The following ETS1 variants were observed in gnomAD, a reference collection of about 807,000 sequenced individuals.
ETS1 encodes ETS proto-oncogene 1, transcription factor.
A neutral mutation model predicts 58.6 loss-of-function variants in ETS1; 15 were observed. That is an observed-to-expected ratio of 0.26 (90% CI 0.17 to 0.39). ETS1 has a LOEUF of 0.39. ETS1 is among the 10% of genes least tolerant of loss of function. The pLI, the probability that ETS1 is intolerant of heterozygous loss-of-function variation, is 1.00. For synonymous variants in ETS1, 214 were observed against 218.2 expected, an observed-to-expected ratio of 0.98 and a Z score of 0.17; for missense variants, 417 against 610.5, an observed-to-expected ratio of 0.68 and a Z score of 3.34.
At chr11:128,497,668 T>A (rs1254897013) in intron 3 of ETS1, 11 of 763,934 alleles carry the variant, frequency 1.4e-5, no homozygotes, top group African/African-American at 1.9e-5. Context: ...AGCGCCGGAG[T>A]TCAGACCTGC....
At chr11:128,472,446 C>T (rs1272097133) in intron 8 of ETS1, among the ~76,000 whole-genome samples, 1 of 152,206 alleles carries the variant, frequency 6.6e-6, no homozygotes, top group African/African-American at 2.4e-5. Context: ...TCACGGACTA[C>T]TGAGAGTGTC....
intron 3 of ETS1, among the ~76,000 whole-genome samples, chr11:128,539,935 C>T (rs1447482004): frequency 6.6e-6 from 1 of 152,036 alleles, no homozygotes; most frequent in Non-Finnish European, 1.5e-5. Context: ...GAAATTAGAC[C>T]AGTAGCTGTT....
rs182696901 is a variant in ETS1, at chr11:128,519,418, C to T, written c.215-28842G>A. Among the ~76,000 whole-genome samples, 437 of 152,294 alleles carry T rather than the reference C, an allele frequency of 2.9e-3. 2 individuals carry two copies. Among genetic ancestry groups the T allele is most frequent in the South Asian group, 0.018 (85 of 4,830 alleles). ...CCAGATAAGATCCCACACTAGCTGT[C>T]TCCACACATAAGAAACTAAGCAACC... On this transcript the variant is annotated intron_variant, in intron 3 of 9. Transcript: ENST00000392668.
intron 8 of ETS1, among the ~76,000 whole-genome samples, chr11:128,468,084 G>A (rs756420109): frequency 1.2e-4 from 18 of 152,146 alleles, no homozygotes; most frequent in Non-Finnish European, 2.1e-4. Context: ...TACAAGCTCT[G>A]AAGAAGAAAT....
chr11:128,476,244 T>C (rs1862319204), intron 8 of ETS1, among the ~76,000 whole-genome samples: 1 of 152,234 alleles, frequency 6.6e-6, no homozygotes, highest in South Asian at 2.1e-4. Context: ...AGGTGATTTA[T>C]AGGTCAATAA....
At position 128,580,364 on chromosome 11, in the gene ETS1, C is replaced by T. The variant is rs553450391; in HGVS notation, c.-15+7124G>A. 4.5e-4 allele frequency among the ~76,000 whole-genome samples: 69 copies of T among 152,124 alleles called. 1 individual carries two copies. The South Asian group carries it at 7.3e-3, about 16-fold the overall frequency. ...CTTTCTGATTCTCATGAGTAGCCCA[C>T]GTGTATTTCCCAAATCATTTGAGTA... On this transcript the variant is annotated intron_variant, in intron 1 of 9. Coordinates refer to ENST00000392668, the MANE Select transcript of ETS1 (RefSeq NM_001143820.2).
At chr11:128,476,757 T>A (rs1308346098) in intron 8 of ETS1, among the ~76,000 whole-genome samples, 1 of 152,272 alleles carries the variant, frequency 6.6e-6, no homozygotes, top group Non-Finnish European at 1.5e-5. Flanking sequence ...TCATAATGTA[T>A]CTTCGAACAA....
At chr11:128,507,665 T>G (rs1012324232) in intron 3 of ETS1, among the ~76,000 whole-genome samples, 1 of 152,178 alleles carries the variant, frequency 6.6e-6, no homozygotes, top group Non-Finnish European at 1.5e-5. Flanking sequence ...GGCCATTTTC[T>G]GGGGACAGGA....
At chr11:128,569,318 C>CTTGTTTTTTTTTTTTTTTTTTTT (rs1864574645) in intron 2 of ETS1, among the ~76,000 whole-genome samples, 1 of 39,458 alleles carries the variant, frequency 2.5e-5, no homozygotes, top group Non-Finnish European at 4.5e-5. Context: ...AGAGTTTCTT[C>CTTGTTTTTTTTTTTTTTTTTTTT]TTTTTTTTTT....
intron 8 of ETS1, among the ~76,000 whole-genome samples, chr11:128,478,635 C>G (rs1862400412): frequency 6.6e-6 from 1 of 152,182 alleles, no homozygotes; most frequent in Non-Finnish European, 1.5e-5. Flanking sequence ...CATTTTAGAG[C>G]TACCTCTGCC....
At chr11:128,567,541 G>A (rs1864528307) in intron 2 of ETS1, among the ~76,000 whole-genome samples, 1 of 152,090 alleles carries the variant, frequency 6.6e-6, no homozygotes, top group Non-Finnish European at 1.5e-5. Flanking sequence ...AACAACATAG[G>A]GACCATGTTT....
chr11:128,507,693 G>A (rs1678314654), intron 3 of ETS1, among the ~76,000 whole-genome samples: 1 of 152,360 alleles, frequency 6.6e-6, no homozygotes, highest in African/African-American at 2.4e-5. Context: ...CTGTGGCAAA[G>A]AAGGAAAGGT....
chr11:128,534,312 T>C (rs1489366807), intron 3 of ETS1, among the ~76,000 whole-genome samples: 1 of 152,218 alleles, frequency 6.6e-6, no homozygotes, highest in Admixed American at 6.5e-5. Context: ...CCCATACAGA[T>C]GAGTAGATGA....
At chr11:128,541,661 T>C (rs1213032345) in intron 3 of ETS1, among the ~76,000 whole-genome samples, 2 of 152,238 alleles carry the variant, frequency 1.3e-5, no homozygotes, top group African/African-American at 2.4e-5. Context: ...TCTTGGGTAG[T>C]ACCCACAATG....
chr11:128,493,732 C>G (rs1862865086), intron 3 of ETS1, among the ~76,000 whole-genome samples: 1 of 152,224 alleles, frequency 6.6e-6, no homozygotes, highest in Admixed American at 6.5e-5. Context: ...AAACTCCCTT[C>G]TATAACTAAG....
intron 3 of ETS1, among the ~76,000 whole-genome samples, chr11:128,510,388 T>A (rs1863360619): frequency 6.6e-6 from 1 of 152,182 alleles, no homozygotes; most frequent in South Asian, 2.1e-4. Flanking sequence ...AAAGCCAGAC[T>A]TGGGTATCCT....
rs1861889237 is a variant in ETS1, at chr11:128,460,884, G to T, written c.*1477C>A. ...GCCAAGACATCAGACCCAAGCAAGA[G>T]GCCCTGGCATCACCTGTGCCATTCA... On this transcript the variant is annotated 3_prime_UTR_variant, in exon 10 of 10. Transcript: ENST00000392668. 1 of 152,302 alleles carries T rather than the reference G, an allele frequency of 6.6e-6. No homozygotes were observed. The highest frequency in any genetic ancestry group is 2.1e-4 in the South Asian group (1 of 4,824). The allele number at this position is 152,302 out of a possible 1,614,324, so 9.4% of individuals were successfully genotyped here.
chr11:128,539,628 C>A (rs149704945), intron 3 of ETS1, among the ~76,000 whole-genome samples: 1 of 152,284 alleles, frequency 6.6e-6, no homozygotes, highest in Non-Finnish European at 1.5e-5. Flanking sequence ...CCCAGAAATT[C>A]TACCCCTGGA....
intron 3 of ETS1, among the ~76,000 whole-genome samples, chr11:128,540,391 C>A (rs1864038398): frequency 1.3e-5 from 2 of 150,030 alleles, no homozygotes; most frequent in African/African-American, 2.5e-5. Context: ...CTGCACAATA[C>A]TGTAAATACA....
Sources: gnomAD v4.1 joint callset for allele counts (sites outside exome capture counted in the v4.1 genomes callset) on GRCh38, gnomAD v4.1.1 for gene constraint, MANE v1.5 for transcripts, NCBI Gene and HGNC (gene_info 2026-07-23, HGNC 2026-07-21) for gene names.